Variants in TTC28 observed in about 807,000 individuals in gnomAD.
TTC28 encodes the protein tetratricopeptide repeat domain 28.
In TTC28, 61 loss-of-function variants were observed where a neutral mutation model predicts 198.0. That is an observed-to-expected ratio of 0.31 (90% CI 0.25 to 0.38). The LOEUF is 0.38. Ranked by LOEUF, TTC28 falls within the 10% of genes least tolerant of loss-of-function variation. The pLI is 1.00. For missense variants in TTC28, 2,678 were observed against 3,164.0 expected (o/e 0.85, Z 3.69); for synonymous variants, 1,171 against 1,297.8 (o/e 0.90, Z 2.10).
Position 28,163,437 on chromosome 22 carries a change from C to T in TTC28, c.1096G>A (p.Ala366Thr), listed in dbSNP as rs1419208390. ...ELGNMGAVYI[A>T]MGDFENAVQC... The stretch of plus-strand genomic sequence containing the variant: ...ACAGCATTCTCAAAGTCACCCATGG[C>T]AATATACACAGCTCCCATGTTGCCA... The change falls in exon 6 of 23, where the codon GCC (alanine) becomes ACC (threonine). Residue 366 changes from alanine (A) to threonine (T), a missense_variant. Transcript: ENST00000397906. 2 of 1,551,784 alleles carry T rather than the reference C, an allele frequency of 1.3e-6. No individual in the cohort carries two copies.
At chr22:28,515,769 C>A (rs966974016) in intron 2 of TTC28, among the ~76,000 whole-genome samples, 6 of 152,040 alleles carry the variant, frequency 3.9e-5, no homozygotes, top group African/African-American at 1.4e-4. Flanking sequence ...CTTAATACAT[C>A]TTTTTATAAA....
intron 2 of TTC28, among the ~76,000 whole-genome samples, chr22:28,309,309 T>C (rs1490213327): frequency 6.6e-6 from 1 of 152,234 alleles, no homozygotes; most frequent in Non-Finnish European, 1.5e-5. Flanking sequence ...ATTCTTTCTC[T>C]TGTTCCATAA....
intron 14 of TTC28, among the ~76,000 whole-genome samples, chr22:28,004,815 G>A (rs1160022342): frequency 1.3e-5 from 2 of 152,220 alleles, no homozygotes; most frequent in East Asian, 1.9e-4. Context: ...ATAATCCAAC[G>A]TGAACTTGAA....
At chr22:28,179,310 C>A (rs567843582) in intron 5 of TTC28, among the ~76,000 whole-genome samples, 13 of 152,010 alleles carry the variant, frequency 8.6e-5, no homozygotes. Context: ...CAGGTGTGTG[C>A]CACCATGCAC....
At chr22:28,130,295 C>T (rs1943030124) in intron 6 of TTC28, among the ~76,000 whole-genome samples, 1 of 152,112 alleles carries the variant, frequency 6.6e-6, no homozygotes. Flanking sequence ...AAAGATATTG[C>T]TCCCTTTGCT....
At chr22:28,528,816 G>A (rs977907260) in intron 2 of TTC28, among the ~76,000 whole-genome samples, 2 of 149,134 alleles carry the variant, frequency 1.3e-5, no homozygotes, top group Non-Finnish European at 3.0e-5. Flanking sequence ...CAAATAATAA[G>A]ATTGAATTCC....
rs115587965 is a variant in TTC28, at chr22:28,265,264, G to C, written c.933+30934C>G. Among the ~76,000 whole-genome samples, 115 of 152,212 alleles carry C rather than the reference G, an allele frequency of 7.6e-4. 1 individual carries two copies. The highest frequency in any genetic ancestry group is 8.5e-4 in the Admixed American group (13 of 15,276). On this transcript the variant is annotated intron_variant, in intron 5 of 22. Transcript: ENST00000397906. ...AAGCAATTGTCTTTTGTGGGGTCAC[G>C]CACACCATGTATCCATCCCACGATT... is the stretch of plus-strand genomic sequence containing the variant.
chr22:28,421,473 A>G lies in TTC28; in HGVS notation c.382-114830T>C, dbSNP rs189981789. 2.6e-3 allele frequency among the ~76,000 whole-genome samples: 396 copies of G among 152,324 alleles called. 6 individuals carry two copies. The highest frequency in any genetic ancestry group is 0.023 in the Admixed American group (346 of 15,304). ...ACCAGAGCCCCCAAAAAGGTATATCACATTTCTCTGATGACTAATGAGACT... is the reference window on the plus strand; with the variant it reads ...ACCAGAGCCCCCAAAAAGGTATATCGCATTTCTCTGATGACTAATGAGACT... On this transcript the variant is annotated intron_variant, in intron 2 of 22. Transcript: ENST00000397906.
intron 5 of TTC28, among the ~76,000 whole-genome samples, chr22:28,165,232 G>C (rs1186128286): frequency 6.6e-6 from 1 of 152,194 alleles, no homozygotes; most frequent in Admixed American, 6.5e-5. Flanking sequence ...GGGGAGAATG[G>C]AACCAAGTTG....
intron 5 of TTC28, among the ~76,000 whole-genome samples, chr22:28,291,758 C>T (rs1358787286): frequency 6.6e-6 from 1 of 151,976 alleles, no homozygotes; most frequent in Non-Finnish European, 1.5e-5. Flanking sequence ...GATATTTTTC[C>T]AGATTTTATA....
chr22:28,188,786 G>C (rs1267740639), intron 5 of TTC28, among the ~76,000 whole-genome samples: 1 of 152,138 alleles, frequency 6.6e-6, no homozygotes, highest in Non-Finnish European at 1.5e-5. Flanking sequence ...CAAAGAAAAG[G>C]TGTGCACAGA....
At chr22:28,649,513 G>C (rs2051532907) in intron 1 of TTC28, among the ~76,000 whole-genome samples, 1 of 152,122 alleles carries the variant, frequency 6.6e-6, no homozygotes, top group Non-Finnish European at 1.5e-5. Flanking sequence ...GCATTGACTT[G>C]TTAATTTCCA....
In TTC28 at chr22:27,988,267, C is replaced by T. The variant is rs373173585; in HGVS notation, c.5707+1611G>A. 6.3e-5 allele frequency among the ~76,000 whole-genome samples: 9 copies of T among 142,976 alleles called. No individual in the cohort carries two copies. In the East Asian group the frequency reaches 8.2e-4, roughly 13 times the overall value. The allele number at this position is 142,976 out of a possible 152,430, so 93.8% of individuals were successfully genotyped here. On this transcript the variant is annotated intron_variant, in intron 21 of 22. Transcript: ENST00000397906. ...ACAGGTTAGACAGTGGGACCCCGAGCGAGAAGAAGCTTGCTTTTTTTTTTT... is the reference window on the plus strand; with the variant it reads ...ACAGGTTAGACAGTGGGACCCCGAGTGAGAAGAAGCTTGCTTTTTTTTTTT...
intron 2 of TTC28, among the ~76,000 whole-genome samples, chr22:28,402,657 T>C (rs961321823): frequency 2.6e-5 from 4 of 152,248 alleles, no homozygotes; most frequent in Admixed American, 2.0e-4. Flanking sequence ...CAGATCACTA[T>C]GTAGTAATTC....
intron 5 of TTC28, among the ~76,000 whole-genome samples, chr22:28,197,851 T>C (rs530464952): frequency 6.6e-6 from 1 of 152,152 alleles, no homozygotes; most frequent in African/African-American, 2.4e-5. Flanking sequence ...CCTGTCTTTA[T>C]TTTTTAAAAT....
chr22:28,632,058 T>G (rs566089918), intron 1 of TTC28, among the ~76,000 whole-genome samples: 1 of 151,750 alleles, frequency 6.6e-6, no homozygotes, highest in Non-Finnish European at 1.5e-5. Flanking sequence ...TACAAAGAAA[T>G]AGACTCCTCA....
intron 14 of TTC28, chr22:28,002,491 G>C (rs538945481): frequency 2.0e-5 from 3 of 152,208 alleles, no homozygotes; most frequent in Non-Finnish European, 4.4e-5. Flanking sequence ...AAATGTGCTC[G>C]CTTGACCCGT....
intron 2 of TTC28, among the ~76,000 whole-genome samples, chr22:28,338,884 G>A (rs529240411): frequency 2.2e-4 from 33 of 152,176 alleles, no homozygotes; most frequent in Non-Finnish European, 3.5e-4. Context: ...TGTCAAAGTC[G>A]TTCTCCATTC....
At chr22:28,101,352 G>A (rs1445252982) in intron 8 of TTC28, 72 bp from the exon 9 acceptor site, 2 of 1,258,860 alleles carry the variant, frequency 1.6e-6, no homozygotes, top group Non-Finnish European at 2.2e-6. Flanking sequence ...AGTCCTGAAG[G>A]GTCATTTTAC....
Sources: gnomAD v4.1 joint callset for allele counts (sites outside exome capture counted in the v4.1 genomes callset) on GRCh38, gnomAD v4.1.1 for gene constraint, MANE v1.5 for transcripts, NCBI Gene and HGNC (gene_info 2026-07-23, HGNC 2026-07-21) for gene names.